Variants in ANK1 observed in about 807,000 individuals in gnomAD.
ANK1 encodes the protein ankyrin-1.
A neutral mutation model predicts 210.4 loss-of-function variants in ANK1; 51 were observed. The ratio of observed to expected loss-of-function variants is 0.24; its 90% confidence interval spans 0.19 to 0.31. The LOEUF (loss-of-function observed/expected upper bound fraction) is 0.31, where lower values mean the gene tolerates loss of function less well. ANK1 is among the 10% of genes least tolerant of loss of function. ANK1 has a pLI of 1.00. For missense variants in ANK1, 2,051 were observed against 2,504.4 expected (o/e 0.82, Z 3.86); for synonymous variants, 967 against 1,025.9 (o/e 0.94, Z 1.10).
At chr8:41,816,904 TAGAC>T (rs1803438988) in intron 1 of ANK1, among the ~76,000 whole-genome samples, 1 of 152,218 alleles carries the variant, frequency 6.6e-6, no homozygotes, top group South Asian at 2.1e-4. Context: ...CATACATACT[TAGAC>T]ATACATAACC....
intron 1 of ANK1, among the ~76,000 whole-genome samples, chr8:41,764,980 T>C (rs1841410014): frequency 1.3e-5 from 2 of 152,224 alleles, no homozygotes; most frequent in South Asian, 4.1e-4. Context: ...AGCTAATATG[T>C]AGCATGGCCA....
intron 1 of ANK1, among the ~76,000 whole-genome samples, chr8:41,822,073 AGAGAGAGAGAG>A (rs1195341005): frequency 7.0e-5 from 1 of 14,196 alleles, no homozygotes; most frequent in Non-Finnish European, 1.3e-4. Context: ...AAAGAGAGAG[AGAGAGAGAGAG>A]AGAGAGAGAG....
chr8:41,749,221 G>C (rs1306906954), intron 2 of ANK1, among the ~76,000 whole-genome samples: 1 of 151,894 alleles, frequency 6.6e-6, no homozygotes, highest in African/African-American at 2.4e-5. Flanking sequence ...TCTCTAGCAT[G>C]GTGCATGGAT....
intron 37 of ANK1, among the ~76,000 whole-genome samples, chr8:41,683,923 G>A (rs1490894499): frequency 6.6e-6 from 1 of 152,188 alleles, no homozygotes; most frequent in East Asian, 1.9e-4. Context: ...CTGCCATGCT[G>A]AGTCACATCA....
chr8:41,723,147 G>A lies in ANK1; in HGVS notation c.887C>T (p.Ala296Val). 6.2e-7 allele frequency: 1 copy of A among 1,614,196 alleles called. No individual in the cohort carries two copies. Among genetic ancestry groups the A allele is most frequent in the Non-Finnish European group, 8.5e-7 (1 of 1,180,036 alleles). ...RISEILLDHG[A>V]PIQAKTKNGL... Reference sequence around the variant, plus strand: ...CACCTTGGTTTTGGCTTGGATTGGTGCCCCGTGGTCCAGCAGGATCTCTGA... The same window carrying A: ...CACCTTGGTTTTGGCTTGGATTGGTACCCCGTGGTCCAGCAGGATCTCTGA... The change falls in exon 9 of 43, where the codon GCA becomes GTA. Residue 296 changes from alanine (A) to valine (V), a missense_variant. Coordinates refer to ENST00000289734, the MANE Select transcript of ANK1 (RefSeq NM_000037.4).
At chr8:41,816,541 G>T (rs1803367278) in intron 1 of ANK1, among the ~76,000 whole-genome samples, 1 of 151,946 alleles carries the variant, frequency 6.6e-6, no homozygotes, top group African/African-American at 2.4e-5. Flanking sequence ...TGGGCTCAAG[G>T]GATCCTCCCA....
At position 41,673,618 on chromosome 8, in the gene ANK1, A is replaced by T. The variant is rs181593838; in HGVS notation, c.4538-706T>A. ...AAAAGGGGCAAGGTCAGAAGGCACC[A>T]AGAGGCACCAGGTCTGCCCGCCCCA... On this transcript the variant is annotated intron_variant, in intron 37 of 42. Coordinates refer to ENST00000289734, the MANE Select transcript of ANK1 (RefSeq NM_000037.4). Among the ~76,000 whole-genome samples the T allele has an allele frequency of 1.5e-3, 228 of 152,274 alleles. 2 individuals are homozygous for T. The highest frequency in any genetic ancestry group is 3.4e-3 in the Middle Eastern group (1 of 294).
chr8:41,790,487 G>T (rs973138902), intron 1 of ANK1, among the ~76,000 whole-genome samples: 4 of 151,930 alleles, frequency 2.6e-5, no homozygotes, highest in Non-Finnish European at 5.9e-5. Flanking sequence ...CTAAGTCAGG[G>T]AGCTCAGGGA....
At chr8:41,666,978 A>G (rs1810758244) in intron 39 of ANK1, among the ~76,000 whole-genome samples, 1 of 152,138 alleles carries the variant, frequency 6.6e-6, no homozygotes, top group Non-Finnish European at 1.5e-5. Context: ...CCCTCACCAA[A>G]GGCTGACCAC....
At chr8:41,819,623 G>A (rs1008570278) in intron 1 of ANK1, among the ~76,000 whole-genome samples, 4 of 152,144 alleles carry the variant, frequency 2.6e-5, no homozygotes, top group African/African-American at 9.7e-5. Context: ...TCAAAGGTTG[G>A]GATGACAAAA....
chr8:41,717,327 A>C (rs1386432856), intron 12 of ANK1, among the ~76,000 whole-genome samples: 1 of 152,268 alleles, frequency 6.6e-6, no homozygotes, highest in East Asian at 1.9e-4. Flanking sequence ...TAAACCCCAG[A>C]GCTAATGAAT....
At chr8:41,705,284 TC>T (rs909858004) in intron 18 of ANK1, among the ~76,000 whole-genome samples, 1 of 152,184 alleles carries the variant, frequency 6.6e-6, no homozygotes, top group African/African-American at 2.4e-5. Flanking sequence ...TTTTGGATCC[TC>T]AAGGCCATTC....
In ANK1 at chr8:41,684,532, G is replaced by A. The variant is rs1817113023; in HGVS notation, c.4537+12C>T. ...TCCGGCTCAGTCCCCATCTGGTCCA[G>A]GTGACACTCACCATTCATCTGGGAG... On this transcript the variant is annotated intron_variant, in intron 37 of 42. Transcript: ENST00000289734. 6.2e-7 allele frequency: 1 copy of A among 1,613,520 alleles called. No individual in the cohort carries two copies. The highest frequency in any genetic ancestry group is 8.5e-7 in the Non-Finnish European group (1 of 1,180,030).
chr8:41,841,409 A>G (rs1808869260), intron 1 of ANK1, among the ~76,000 whole-genome samples: 1 of 152,218 alleles, frequency 6.6e-6, no homozygotes, highest in South Asian at 2.1e-4. Context: ...TTGCTGCTCA[A>G]TGGGCGTAAG....
chr8:41,684,325 G>A (rs1207510516), intron 37 of ANK1: 2 of 734,404 alleles, frequency 2.7e-6, no homozygotes, highest in East Asian at 5.5e-5. Context: ...CAAAGGCTAA[G>A]GCGGAGGCGA....
chr8:41,703,448 A>ATTTTTTTTTT (rs1198353842), intron 20 of ANK1, among the ~76,000 whole-genome samples: 3 of 60,198 alleles, frequency 5.0e-5, no homozygotes, highest in African/African-American at 2.1e-4. Flanking sequence ...ATATATATAT[A>ATTTTTTTTTT]TATTTTTTTT....
intron 2 of ANK1, 68 bp downstream of exon 2, chr8:41,757,968 C>G: frequency 7.1e-7 from 1 of 1,411,142 alleles, no homozygotes. Context: ...AGTTTCAAAG[C>G]TCTCAGGAAA....
rs747291277 is a variant in ANK1, at chr8:41,694,580, G to A, written c.3327+12C>T. ...TCCACCCCCAGGACCTGGCGGGGAG[G>A]AGGGCTGTCACCTGCAGAGCCAGCT... is the stretch of plus-strand genomic sequence containing the variant. On this transcript the variant is annotated intron_variant, in intron 28 of 42. Transcript: ENST00000289734. This position sits in a 1 kb window ranked among gnomAD's most constrained non-coding sequence, Gnocchi z 5.7. 1.2e-6 allele frequency: 2 copies of A among 1,611,168 alleles called. No homozygotes were observed. The highest frequency in any genetic ancestry group is 1.1e-5 in the South Asian group (1 of 90,564).
At chr8:41,658,461 T>C (rs1289749045) in intron 42 of ANK1, among the ~76,000 whole-genome samples, 1 of 152,266 alleles carries the variant, frequency 6.6e-6, no homozygotes, top group Non-Finnish European at 1.5e-5. Flanking sequence ...TTGAGGAGAC[T>C]GAAGCTTAGG....
Sources: gnomAD v4.1 joint callset for allele counts (sites outside exome capture counted in the v4.1 genomes callset) on GRCh38, gnomAD v4.1.1 for gene constraint, Gnocchi (gnomAD v3.1) non-coding constraint, MANE v1.5 for transcripts, NCBI Gene and HGNC (gene_info 2026-07-23, HGNC 2026-07-21) for gene names.